Variants in GPM6B observed in about 807,000 individuals in gnomAD.
GPM6B encodes neuronal membrane glycoprotein M6-b.
In GPM6B, 4 loss-of-function variants were observed where a neutral mutation model predicts 27.2. That is an observed-to-expected ratio of 0.15 (90% CI 0.07 to 0.34). The LOEUF is 0.34. Among genes scored for constraint, GPM6B ranks in the 10% least tolerant of loss-of-function variants. The pLI is 1.00. For missense variants in GPM6B, 183 were observed against 261.9 expected, an observed-to-expected ratio of 0.70 and a Z score of 2.08; for synonymous variants, 124 against 103.1, an observed-to-expected ratio of 1.20 and a Z score of -1.23.
chrX:13,928,664 T>G (rs147566050), intron 1 of GPM6B, among the ~76,000 whole-genome samples: 1 of 112,910 alleles, frequency 8.9e-6, no homozygotes, highest in East Asian at 2.7e-4. Flanking sequence ...AACAGATGCC[T>G]GAATTTAAGC....
chrX:13,864,623 A>G (rs1347855076), intron 1 of GPM6B, among the ~76,000 whole-genome samples: 1 of 112,731 alleles, frequency 8.9e-6, no homozygotes, highest in African/African-American at 3.2e-5. Context: ...GATGTTCTGG[A>G]AATATACTCA....
chrX:13,938,458 CG>C, upstream of GPM6B: 2 of 858,713 alleles, frequency 2.3e-6, no homozygotes, highest in Non-Finnish European at 2.9e-6. Context: ...CCTCCCGGGG[CG>C]GGGGCGCGAG....
intron 1 of GPM6B, among the ~76,000 whole-genome samples, chrX:13,920,266 C>CAAAAAA (rs144988935): frequency 9.0e-5 from 2 of 22,228 alleles, no homozygotes; most frequent in African/African-American, 1.8e-4. Flanking sequence ...GACTCTGTCT[C>CAAAAAA]AAAAAAAAAA....
At chrX:13,854,347 C>T (rs1302139460) in intron 1 of GPM6B, among the ~76,000 whole-genome samples, 1 of 111,981 alleles carries the variant, frequency 8.9e-6, no homozygotes, top group Non-Finnish European at 1.9e-5. Context: ...GTGCTGGCTT[C>T]ATAGATTTTC....
At chrX:13,856,714 T>A (rs1436781048) in intron 1 of GPM6B, among the ~76,000 whole-genome samples, 1 of 107,926 alleles carries the variant, frequency 9.3e-6, no homozygotes, top group Non-Finnish European at 1.9e-5. Flanking sequence ...ATTATTTTTT[T>A]TTTTTGACAG....
chrX:13,857,424 C>CTTTCCACCT (rs1231052561), intron 1 of GPM6B, among the ~76,000 whole-genome samples: 1 of 112,263 alleles, frequency 8.9e-6, no homozygotes, highest in Non-Finnish European at 1.9e-5. Flanking sequence ...TCATATATAA[C>CTTTCCACCT]TTTCCACCTT....
rs761891419 is a variant in GPM6B, at chrX:13,877,824, C to CAAAA, written c.-198+60499_-198+60502dup. Among the ~76,000 whole-genome samples the CAAAA allele has an allele frequency of 5.8e-3, 160 of 27,452 alleles. 27 individuals are homozygous for CAAAA. The highest frequency in any genetic ancestry group is 0.037 in the East Asian group (22 of 597). The allele number at this position is 27,452 out of a possible 115,157, so 23.8% of individuals were successfully genotyped here. ...CCTGGGCATTAGAGCCAGACTCTGC[C>CAAAA]AAAAAAAAAAAAAAAAAAAAAAAAA... On this transcript the variant is annotated intron_variant, in intron 1 of 6. Coordinates refer to the GPM6B transcript ENST00000398361.
At chrX:13,895,282 G>A (rs961530893) in intron 1 of GPM6B, among the ~76,000 whole-genome samples, 5 of 110,764 alleles carry the variant, frequency 4.5e-5, no homozygotes, top group African/African-American at 6.6e-5. Context: ...ACATAATAAC[G>A]ACCTGGTACT....
At chrX:13,808,457 T>C (rs2049064896) in intron 1 of GPM6B, among the ~76,000 whole-genome samples, 1 of 112,023 alleles carries the variant, frequency 8.9e-6, no homozygotes, top group Non-Finnish European at 1.9e-5. Context: ...CTCTATCTGG[T>C]AATATGATAC....
chrX:13,821,131 C>T (rs367979861), upstream of GPM6B, among the ~76,000 whole-genome samples: 4 of 111,278 alleles, frequency 3.6e-5, no homozygotes, highest in East Asian at 5.7e-4. Context: ...AGGAGTTTTA[C>T]CACCAAATAG....
chrX:13,900,993 T>C (rs1482171503), intron 1 of GPM6B, among the ~76,000 whole-genome samples: 3 of 112,116 alleles, frequency 2.7e-5, no homozygotes, highest in African/African-American at 9.7e-5. Context: ...CAAACCCCTG[T>C]ATGACTTGCA....
intron 2 of GPM6B, among the ~76,000 whole-genome samples, chrX:13,789,602 C>T (rs769812614): frequency 6.1e-4 from 67 of 110,533 alleles, no homozygotes; most frequent in South Asian, 5.5e-3. Flanking sequence ...GGTGAAACCC[C>T]GTCTCTACTA....
chrX:13,827,160 A>C (rs2049382439), intron 1 of GPM6B, among the ~76,000 whole-genome samples: 1 of 109,714 alleles, frequency 9.1e-6, no homozygotes, highest in Admixed American at 9.7e-5. Flanking sequence ...ATCATCTGCC[A>C]AAATCCCAAT....
At chrX:13,782,628 A>T (rs1386982045) in intron 4 of GPM6B, among the ~76,000 whole-genome samples, 1 of 108,978 alleles carries the variant, frequency 9.2e-6, no homozygotes, top group Admixed American at 9.8e-5. Flanking sequence ...CTACAAAAGT[A>T]ACCATTCCCC....
At chrX:13,792,180 G>A (rs773607662) in intron 2 of GPM6B, among the ~76,000 whole-genome samples, 1 of 111,445 alleles carries the variant, frequency 9.0e-6, no homozygotes, top group East Asian at 2.8e-4. Flanking sequence ...TGCCCCTCAG[G>A]GGACATTTGG....
At chrX:13,792,377 A>G (rs887467047) in intron 2 of GPM6B, among the ~76,000 whole-genome samples, 1 of 111,854 alleles carries the variant, frequency 8.9e-6, no homozygotes, top group Non-Finnish European at 1.9e-5. Context: ...CACAAAAAAC[A>G]TCTACATCGT....
At chrX:13,891,562 G>A (rs1361967952) in intron 1 of GPM6B, among the ~76,000 whole-genome samples, 1 of 112,455 alleles carries the variant, frequency 8.9e-6, no homozygotes, top group Non-Finnish European at 1.9e-5. Context: ...TGGCATGTTC[G>A]CCATTGTGGA....
At chrX:13,933,694 T>C (rs950748069) in intron 1 of GPM6B, among the ~76,000 whole-genome samples, 3 of 111,616 alleles carry the variant, frequency 2.7e-5, no homozygotes, top group African/African-American at 9.8e-5. Flanking sequence ...CTTGAGAAAA[T>C]AGTTGCAAAA....
chrX:13,884,107 G>A (rs1407949024), intron 1 of GPM6B, among the ~76,000 whole-genome samples: 1 of 111,481 alleles, frequency 9.0e-6, no homozygotes, highest in Non-Finnish European at 1.9e-5. Context: ...GAACCCGGGA[G>A]GCAGAGGTTG....
Sources: gnomAD v4.1 joint callset for allele counts (sites outside exome capture counted in the v4.1 genomes callset) on GRCh38, gnomAD v4.1.1 for gene constraint, MANE v1.5 for transcripts, NCBI Gene and HGNC (gene_info 2026-07-23, HGNC 2026-07-21) for gene names.